CACNA1I: variants seen among roughly 807,000 people sequenced by gnomAD.
The protein encoded by CACNA1I is calcium voltage-gated channel subunit alpha1 I, also known as voltage-dependent T-type calcium channel subunit alpha-1I.
Under a neutral mutation model 201.6 loss-of-function variants are expected in CACNA1I, and 74 were observed. The observed-to-expected ratio is 0.37, with a 90% CI of 0.30 to 0.45. The LOEUF (loss-of-function observed/expected upper bound fraction) is 0.45. CACNA1I is among the 20% of genes least tolerant of loss of function. CACNA1I has a pLI of 1.00. For missense variants in CACNA1I, 2,346 were observed against 3,138.1 expected (o/e 0.75, Z 6.03); for synonymous variants, 1,431 against 1,345.2 (o/e 1.06, Z -1.40).
In CACNA1I at chr22:39,597,616, G is replaced by C. The variant is rs537510964; in HGVS notation, c.237-535G>C. 2.6e-4 allele frequency among the ~76,000 whole-genome samples: 39 copies of C among 152,370 alleles called. No individual in the cohort carries two copies. The East Asian group carries it at 7.1e-3, about 28-fold the overall frequency. ...TGGTGCGGGTGTTTTGGAGTTAGGT[G>C]ATGAGCCCTACCTGAGCCCTAACCC... is the stretch of plus-strand genomic sequence containing the variant. On this transcript the variant is annotated intron_variant, in intron 1 of 36. Coordinates refer to ENST00000402142, the MANE Select transcript of CACNA1I (RefSeq NM_021096.4).
chr22:39,589,199 A>C (rs1361250013), intron 1 of CACNA1I, among the ~76,000 whole-genome samples: 1 of 152,068 alleles, frequency 6.6e-6, no homozygotes, highest in Non-Finnish European at 1.5e-5. Flanking sequence ...ACCCTACCCC[A>C]TTCTTCTGTT....
Position 39,685,569 on chromosome 22 carries a change from G to A in CACNA1I, c.6028-192G>A, listed in dbSNP as rs950727466. 1.3e-5 allele frequency among the ~76,000 whole-genome samples: 2 copies of A among 152,100 alleles called. No individual in the cohort carries two copies. Among genetic ancestry groups the A allele is most frequent in the Admixed American group, 1.3e-4 (2 of 15,286 alleles). On this transcript the variant is annotated intron_variant, in intron 36 of 36. Coordinates refer to ENST00000402142, the MANE Select transcript of CACNA1I (RefSeq NM_021096.4). This position sits in a 1 kb window ranked among gnomAD's most constrained non-coding sequence, Gnocchi z 5.0. ...AGGCGGATGCTAGCTCCTCTCGGGG[G>A]ACCTCTCGGGGCAGGTGAAGGCCCT...
In CACNA1I at chr22:39,672,984, C is replaced by T; in HGVS notation, c.4685C>T (p.Ser1562Leu). 6.2e-7 allele frequency: 1 copy of T among 1,613,786 alleles called. No homozygotes were observed. Among genetic ancestry groups the T allele is most frequent in the Non-Finnish European group, 8.5e-7 (1 of 1,179,780 alleles). Residue 1562 changes from serine to leucine, a missense_variant, in exon 28 of 37, where the codon TCA (serine) becomes TTA (leucine). Around this residue, in one of 13 missense-constraint regions of CACNA1I, gnomAD observed 228 missense variants for 395.7 expected, o/e 0.58. Transcript: ENST00000402142. ...NQLDLAIVLL[S>L]VMGITLEEIE... The stretch of plus-strand genomic sequence containing the variant: ...CTGGACCTGGCCATTGTGCTACTGT[C>T]AGTCATGGGCATCACCCTGGAGGAG...
intron 1 of CACNA1I, among the ~76,000 whole-genome samples, chr22:39,579,668 CAG>C (rs1317677363): frequency 1.4e-5 from 2 of 146,636 alleles, no homozygotes; most frequent in Non-Finnish European, 3.0e-5. Flanking sequence ...TTTTTTGAGA[CAG>C]AGTTTCGCTC....
rs1347714445 is a variant in CACNA1I, at chr22:39,686,337, GCGCCCCCGCCGCAAC to G, written c.6608_6622del (p.Pro2203_Pro2207del). The G allele has an allele frequency of 3.8e-6, 5 of 1,305,518 alleles. No homozygotes were observed. The highest frequency in any genetic ancestry group is 4.9e-6 in the Non-Finnish European group (5 of 1,026,048). 80.9% of individuals were successfully genotyped at this position (1,305,518 alleles called of 1,614,324 possible). On this transcript the variant is annotated inframe_deletion, in exon 37 of 37. Transcript: ENST00000402142. The stretch of plus-strand genomic sequence containing the variant: ...GCTGCCCATGGGCCTGGGCCCCTTG[GCGCCCCCGCCGCAAC>G]CGCTCCCCGGAGAGCTGGAGCCGGG...
chr22:39,631,541 G>A (rs1036324955), intron 4 of CACNA1I, among the ~76,000 whole-genome samples: 1 of 152,240 alleles, frequency 6.6e-6, no homozygotes, highest in Non-Finnish European at 1.5e-5. Flanking sequence ...TGAGAATCAG[G>A]GAGGACTGCC....
At chr22:39,634,758 G>A in intron 5 of CACNA1I, 34 bp downstream of exon 5, 1 of 1,599,516 alleles carries the variant, frequency 6.3e-7, no homozygotes, top group African/African-American at 1.3e-5. Context: ...TGCAGCTCCG[G>A]GGACTCTTAC....
chr22:39,668,679 G>T (rs1042925646), intron 24 of CACNA1I, among the ~76,000 whole-genome samples: 2 of 152,212 alleles, frequency 1.3e-5, no homozygotes, highest in Non-Finnish European at 2.9e-5. Context: ...AGAACCAAGT[G>T]CAGGCAGAGA....
At chr22:39,683,766 A>G (rs73888119) in intron 35 of CACNA1I, among the ~76,000 whole-genome samples, 1,195 of 35,654 alleles carry the variant, frequency 0.034, 16 homozygotes, top group African/African-American at 0.12. Context: ...CTTGCCCCTC[A>G]CCATGTGCAG....
At chr22:39,639,142 C>T (rs1378435962) in intron 5 of CACNA1I, among the ~76,000 whole-genome samples, 3 of 152,236 alleles carry the variant, frequency 2.0e-5, no homozygotes, top group African/African-American at 7.2e-5. Context: ...CAGCTATCCC[C>T]ACTTGTTTAT....
chr22:39,595,625 C>CA (rs132586), intron 1 of CACNA1I, among the ~76,000 whole-genome samples: 18 of 145,154 alleles, frequency 1.2e-4, no homozygotes, highest in Admixed American at 8.2e-4. Context: ...AACTCCATCT[C>CA]AAAAAAAAAA....
At chr22:39,641,241 G>A in intron 6 of CACNA1I, 59 bp downstream of exon 6, 1 of 1,456,534 alleles carries the variant, frequency 6.9e-7, no homozygotes, top group Non-Finnish European at 9.5e-7. Context: ...CTGCCTGGTG[G>A]GCAGGGCTCT....
Position 39,686,104 on chromosome 22 carries a change from C to A in CACNA1I, c.6371C>A (p.Ser2124Ter). The A allele has an allele frequency of 8.0e-7, 1 of 1,244,560 alleles. No homozygotes were observed. Among genetic ancestry groups the A allele is most frequent in the Non-Finnish European group, 1.0e-6 (1 of 997,028 alleles). 77.1% of individuals were successfully genotyped at this position (1,244,560 alleles called of 1,614,324 possible). ...GGCGGGGGCGCGGGCAGCGAGCACT[C>A]GGAGACCCTCAGCAGCCTCTCGCTC... ...AGGGGAGSEH[S>*]ETLSSLSLTS... The change falls in exon 37 of 37, where the codon TCG (serine) becomes TAG (stop). Residue 2124 changes from serine to a stop codon, truncating the protein, a stop_gained. Coordinates refer to ENST00000402142, the MANE Select transcript of CACNA1I (RefSeq NM_021096.4). LOFTEE classifies it low-confidence loss of function (END_TRUNC).
rs1222088217 is a variant in CACNA1I at position 39,680,927 on chromosome 22, C to T, written c.5542-3C>T. ...GACCCGAGGCCACCCCCTCTTCCTGCAGGTGCAGCTGGCTGAGACGGAGGC... is the reference window on the plus strand; with the variant it reads ...GACCCGAGGCCACCCCCTCTTCCTGTAGGTGCAGCTGGCTGAGACGGAGGC... On this transcript the variant is annotated splice_polypyrimidine_tract_variant and splice_region_variant and intron_variant, in intron 33 of 36. Transcript: ENST00000402142. 1 of 1,607,850 alleles carries T rather than the reference C, an allele frequency of 6.2e-7. No individual in the cohort carries two copies.
intron 1 of CACNA1I, among the ~76,000 whole-genome samples, chr22:39,584,454 C>T (rs1436896162): frequency 6.6e-6 from 1 of 152,118 alleles, no homozygotes; most frequent in Non-Finnish European, 1.5e-5. Context: ...GCCTGGTGCT[C>T]AGCAGTCAGG....
chr22:39,623,009 G>A (rs1204334362), intron 4 of CACNA1I, among the ~76,000 whole-genome samples: 2 of 152,236 alleles, frequency 1.3e-5, no homozygotes, highest in African/African-American at 2.4e-5. Context: ...ATGTTTGTAC[G>A]TGATCTTGAT....
At chr22:39,604,827 C>CTTGG (rs1260379583) in intron 3 of CACNA1I, among the ~76,000 whole-genome samples, 1 of 152,010 alleles carries the variant, frequency 6.6e-6, no homozygotes, top group Non-Finnish European at 1.5e-5. Flanking sequence ...ATCCTCCCAC[C>CTTGG]TTGGCCTCTT....
At position 39,685,965 on chromosome 22, in the gene CACNA1I, C is replaced by A. The variant is rs1601536641; in HGVS notation, c.6232C>A (p.Arg2078=). The A allele has an allele frequency of 1.2e-5, 15 of 1,257,392 alleles. No individual in the cohort carries two copies. The East Asian group carries it at 4.9e-4, about 41-fold the overall frequency. 77.9% of individuals were successfully genotyped at this position (1,257,392 alleles called of 1,614,324 possible). A position where few individuals can be genotyped will look rare whatever the true frequency, so the allele number is the denominator to read the frequency against. ...SLRGRGLFSL[R]GLRAHQRSHS... is the part of the protein sequence containing the mutation. ...GCGCGGCCGGGGCCTCTTCAGCCTG[C>A]GGGGGCTGCGGGCGCATCAGCGCAG... The change falls in exon 37 of 37, where the codon CGG becomes AGG. Residue 2078 remains arginine, a synonymous_variant. Coordinates refer to ENST00000402142, the MANE Select transcript of CACNA1I (RefSeq NM_021096.4). The surrounding 1 kb of genome is among the most constrained non-coding windows in gnomAD (Gnocchi z 5.0).
chr22:39,675,309 T>C (rs1190835335), intron 29 of CACNA1I, among the ~76,000 whole-genome samples: 1 of 152,188 alleles, frequency 6.6e-6, no homozygotes, highest in Non-Finnish European at 1.5e-5. Flanking sequence ...AGAAGTGCCA[T>C]TTAAGAGGCT....
Sources: allele counts gnomAD v4.1 joint callset (sites outside exome capture counted in the v4.1 genomes callset), GRCh38; gene constraint gnomAD v4.1.1; regional missense constraint gnomAD v4.1.1; non-coding constraint Gnocchi (gnomAD v3.1); transcripts MANE v1.5; gene names NCBI Gene and HGNC (gene_info 2026-07-23, HGNC 2026-07-21).